Variants in SLX4IP observed in about 807,000 individuals in gnomAD.
The protein encoded by SLX4IP is SLX4 interacting protein.
A neutral mutation model predicts 32.9 loss-of-function variants in SLX4IP; 34 were observed. The ratio of observed to expected loss-of-function variants is 1.03; its 90% confidence interval spans 0.79 to 1.38. The LOEUF (loss-of-function observed/expected upper bound fraction) is 1.38, where lower values mean the gene tolerates loss of function less well. Among genes scored for constraint, SLX4IP ranks in the 40% most tolerant of loss-of-function variants. The pLI is 0.00. For missense variants in SLX4IP, 444 were observed against 479.0 expected, an observed-to-expected ratio of 0.93 and a Z score of 0.68; for synonymous variants, 172 against 171.7, an observed-to-expected ratio of 1.00 and a Z score of -0.01.
At chr20:10,560,962 G>A in intron 4 of SLX4IP, 142 bp downstream of exon 4, 2 of 890,608 alleles carry the variant, frequency 2.2e-6, no homozygotes, top group Non-Finnish European at 3.0e-6. Flanking sequence ...TACTTTGTTT[G>A]GGTAAAGAAA....
At chr20:10,492,732 A>AT (rs1332633363) in intron 2 of SLX4IP, among the ~76,000 whole-genome samples, 2 of 152,196 alleles carry the variant, frequency 1.3e-5, no homozygotes, top group African/African-American at 4.8e-5. Flanking sequence ...AATGTATCTA[A>AT]TATATTCTTC....
intron 2 of SLX4IP, among the ~76,000 whole-genome samples, chr20:10,510,903 G>A (rs557601332): frequency 1.3e-5 from 2 of 152,236 alleles, no homozygotes; most frequent in Admixed American, 6.5e-5. Context: ...CGCACCCGGC[G>A]GTGCCTGGCA....
rs2067109438 is a variant in SLX4IP at position 10,621,331 on chromosome 20, T to C, written c.423T>C (p.His141=). 6.2e-7 allele frequency: 1 copy of C among 1,614,158 alleles called. No homozygotes were observed. Among genetic ancestry groups the C allele is most frequent in the Non-Finnish European group, 8.5e-7 (1 of 1,179,992 alleles). ...TGGAGTAGACAGAAAGAGTTCTCCA[T>C]GGAGTGTCTGATTACTTTGCTGAGT... ...QNEDLTERVL[H]GVSDYFAECA... is the part of the protein sequence containing the mutation. Residue 141 remains histidine (H), a synonymous_variant, in exon 7 of 8, where the codon CAT becomes CAC. Coordinates refer to ENST00000334534, the MANE Select transcript of SLX4IP (RefSeq NM_001009608.3).
chr20:10,581,254 TGGGCAGG>T (rs1156427653), intron 4 of SLX4IP, among the ~76,000 whole-genome samples: 1 of 151,904 alleles, frequency 6.6e-6, no homozygotes, highest in Non-Finnish European at 1.5e-5. Flanking sequence ...GCAGGAGGTG[TGGGCAGG>T]GCTGATGTTG....
intron 2 of SLX4IP, among the ~76,000 whole-genome samples, chr20:10,499,199 T>C (rs1222442093): frequency 6.6e-6 from 1 of 152,190 alleles, no homozygotes; most frequent in East Asian, 1.9e-4. Context: ...TGGACTTTTA[T>C]AGCTTACTCT....
rs141596332 is a variant in SLX4IP, at chr20:10,450,721, A to C, written c.-29-7455A>C. Among the ~76,000 whole-genome samples the C allele has an allele frequency of 3.3e-5, 5 of 152,366 alleles. No homozygotes were observed. The East Asian group carries it at 7.7e-4, about 24-fold the overall frequency. On this transcript the variant is annotated intron_variant, in intron 1 of 7. Coordinates refer to ENST00000334534, the MANE Select transcript of SLX4IP (RefSeq NM_001009608.3). The stretch of plus-strand genomic sequence containing the variant: ...AAAAAATCACTGTTGACTGAGTAAT[A>C]ATAATTATCAATACTCATCGAAGGC...
rs140791106 is a variant in SLX4IP at position 10,581,976 on chromosome 20, G to T, written c.239-16699G>T. 3.2e-3 allele frequency among the ~76,000 whole-genome samples: 484 copies of T among 152,254 alleles called. 6 individuals are homozygous for T. Among genetic ancestry groups the T allele is most frequent in the African/African-American group, 0.011 (452 of 41,546 alleles). ...TAATGCCTTGAAAATATTTGCATTT[G>T]TAACAGCTGAAGGACAGTGATGAAA... On this transcript the variant is annotated intron_variant, in intron 4 of 7. Coordinates refer to ENST00000334534, the MANE Select transcript of SLX4IP (RefSeq NM_001009608.3).
At chr20:10,511,803 G>A (rs2065809953) in intron 2 of SLX4IP, among the ~76,000 whole-genome samples, 1 of 152,188 alleles carries the variant, frequency 6.6e-6, no homozygotes, top group African/African-American at 2.4e-5. Flanking sequence ...GACCACAGTG[G>A]TTTTCTTCTT....
chr20:10,514,210 A>G (rs944792001), intron 2 of SLX4IP, among the ~76,000 whole-genome samples: 3 of 152,132 alleles, frequency 2.0e-5, no homozygotes, highest in Non-Finnish European at 4.4e-5. Context: ...ACCGGTGAAT[A>G]TGCCTCCTGG....
chr20:10,617,976 T>C (rs1352509192), intron 6 of SLX4IP, among the ~76,000 whole-genome samples: 1 of 152,216 alleles, frequency 6.6e-6, no homozygotes, highest in Non-Finnish European at 1.5e-5. Context: ...CAGCCTGTTC[T>C]CTGATTAGAG....
In SLX4IP at chr20:10,626,992, AG is replaced by A. The variant is rs2067179596; in HGVS notation, c.*3614del. ...ATGCATGTCAGTGGCCTCTGATTTCAGAAAGAGCTTGGCGAGGGCAGAACAC... is the reference window on the plus strand; with the variant it reads ...ATGCATGTCAGTGGCCTCTGATTTCAAAAGAGCTTGGCGAGGGCAGAACAC... On this transcript the variant is annotated 3_prime_UTR_variant, in exon 8 of 8. Transcript: ENST00000334534. 6.6e-6 allele frequency: 1 copy of A among 152,188 alleles called. No individual in the cohort carries two copies. The allele number at this position is 152,188 out of a possible 1,614,324, so 9.4% of individuals were successfully genotyped here.
rs559699692 is a variant in SLX4IP at position 10,564,080 on chromosome 20, G to A, written c.238+3260G>A. On this transcript the variant is annotated intron_variant, in intron 4 of 7. Transcript: ENST00000334534. ...TTCACTGATGACAGAGGTTCATTTT[G>A]TTCTAGGCTGTGTAGATCTAGACAC... Among the ~76,000 whole-genome samples the A allele has an allele frequency of 3.5e-4, 54 of 152,242 alleles. 1 individual carries two copies. Among genetic ancestry groups the A allele is most frequent in the African/African-American group, 1.3e-3 (53 of 41,558 alleles).
intron 1 of SLX4IP, among the ~76,000 whole-genome samples, chr20:10,446,595 T>C (rs559110409): frequency 3.9e-5 from 6 of 152,266 alleles, no homozygotes; most frequent in Admixed American, 2.6e-4. Context: ...ACCAGTGATA[T>C]ATGAGAGATC....
At chr20:10,456,265 C>T (rs2065284682) in intron 1 of SLX4IP, among the ~76,000 whole-genome samples, 1 of 152,126 alleles carries the variant, frequency 6.6e-6, no homozygotes, top group Non-Finnish European at 1.5e-5. Context: ...CTAAGCATTT[C>T]TGATAAGGGA....
intron 1 of SLX4IP, among the ~76,000 whole-genome samples, chr20:10,437,912 T>G (rs752493655): frequency 1.3e-5 from 2 of 152,214 alleles, no homozygotes; most frequent in Non-Finnish European, 2.9e-5. Context: ...CTTTGTGACC[T>G]TGATCAGATA....
chr20:10,506,951 A>G (rs190491182), intron 2 of SLX4IP, among the ~76,000 whole-genome samples: 17 of 152,332 alleles, frequency 1.1e-4, no homozygotes, highest in African/African-American at 2.6e-4. Context: ...GATTTGATGA[A>G]CTTACACATT....
intron 2 of SLX4IP, among the ~76,000 whole-genome samples, chr20:10,483,889 A>G (rs941844127): frequency 6.6e-6 from 1 of 150,644 alleles, no homozygotes; most frequent in Non-Finnish European, 1.5e-5. Context: ...TGCCCTCTCT[A>G]TACCCAGAGG....
At chr20:10,565,543 G>A (rs1013586065) in intron 4 of SLX4IP, among the ~76,000 whole-genome samples, 73 of 152,156 alleles carry the variant, frequency 4.8e-4, no homozygotes, top group African/African-American at 1.7e-3. Flanking sequence ...CCACCACAAG[G>A]CAAAACTAGA....
chr20:10,582,570 G>A (rs1218536877), intron 4 of SLX4IP, among the ~76,000 whole-genome samples: 2 of 152,046 alleles, frequency 1.3e-5, no homozygotes, highest in African/African-American at 4.8e-5. Flanking sequence ...GTGTGTGTAT[G>A]TATCTATAAC....
Sources: allele counts gnomAD v4.1 joint callset (sites outside exome capture counted in the v4.1 genomes callset), GRCh38; gene constraint gnomAD v4.1.1; transcripts MANE v1.5; gene names NCBI Gene and HGNC (gene_info 2026-07-23, HGNC 2026-07-21).